Variants in STK32B observed in about 807,000 individuals in gnomAD.
STK32B encodes serine/threonine kinase 32B.
STK32B carries 43 observed loss-of-function variants against 52.6 expected under a neutral mutation model. That is an observed-to-expected ratio of 0.82 (90% CI 0.64 to 1.05). STK32B has a LOEUF of 1.05. STK32B is among the 50% of genes least tolerant of loss of function. The pLI is 0.00. For missense variants in STK32B, 621 were observed against 534.6 expected (o/e 1.16, Z -1.59); for synonymous variants, 238 against 204.3 (o/e 1.17, Z -1.41).
chr4:5,129,607 C>T (rs1013074700), intron 1 of STK32B, among the ~76,000 whole-genome samples: 9 of 152,134 alleles, frequency 5.9e-5, no homozygotes, highest in Admixed American at 5.9e-4. Flanking sequence ...GGGGAACAAC[C>T]TTGATTATAA....
In STK32B at chr4:5,398,836, AGTCTGCAAAGCTCCCAG is replaced by A. The variant is rs1386614563; in HGVS notation, c.472+595_472+611del. Among the ~76,000 whole-genome samples, 6 of 152,242 alleles carry A rather than the reference AGTCTGCAAAGCTCCCAG, an allele frequency of 3.9e-5. No homozygotes were observed. Among genetic ancestry groups the A allele is most frequent in the African/African-American group, 1.4e-4 (6 of 41,464 alleles). ...TGGGACTAGACTCTGCAAAGTCCAG[AGTCTGCAAAGCTCCCAG>A]GTGGCTGATGCTGCTGGTCCATGGA... On this transcript the variant is annotated intron_variant, in intron 5 of 11. Coordinates refer to ENST00000282908, the MANE Select transcript of STK32B (RefSeq NM_018401.3). The surrounding 1 kb of genome is among the most constrained non-coding windows in gnomAD (Gnocchi z 4.9).
intron 11 of STK32B, among the ~76,000 whole-genome samples, chr4:5,485,894 G>A (rs1467748337): frequency 6.6e-6 from 1 of 152,214 alleles, no homozygotes; most frequent in Non-Finnish European, 1.5e-5. Context: ...GAAGGCTGCA[G>A]AACAGTGGAT....
At chr4:5,100,066 A>T (rs1400538413) in intron 1 of STK32B, among the ~76,000 whole-genome samples, 1 of 152,100 alleles carries the variant, frequency 6.6e-6, no homozygotes, top group Admixed American at 6.5e-5. Context: ...AACCTCTGAA[A>T]TGAGGCACAG....
Position 5,067,803 on chromosome 4 carries a change from G to A in STK32B, c.52+15888G>A, listed in dbSNP as rs562407623. Among the ~76,000 whole-genome samples, 349 of 152,214 alleles carry A rather than the reference G, an allele frequency of 2.3e-3. 1 individual carries two copies. Among genetic ancestry groups the A allele is most frequent in the Non-Finnish European group, 3.7e-3 (251 of 68,024 alleles). ...ATGATGGCTTCTAGAGAGGCCTCAG[G>A]AAACTTTCTATCATGGCGGAAGGCG... is the stretch of plus-strand genomic sequence containing the variant. On this transcript the variant is annotated intron_variant, in intron 1 of 11. Coordinates refer to ENST00000282908, the MANE Select transcript of STK32B (RefSeq NM_018401.3).
intron 11 of STK32B, among the ~76,000 whole-genome samples, chr4:5,490,231 C>T (rs1291878818): frequency 2.0e-5 from 3 of 151,870 alleles, no homozygotes; most frequent in East Asian, 1.9e-4. Context: ...CTCAGCCTCC[C>T]GAGTAGCTGG....
At chr4:5,455,913 A>C (rs1716468735) in intron 7 of STK32B, among the ~76,000 whole-genome samples, 1 of 152,234 alleles carries the variant, frequency 6.6e-6, no homozygotes, top group African/African-American at 2.4e-5. Flanking sequence ...CTCCAGGATC[A>C]GTTTGTTGTA....
intron 3 of STK32B, among the ~76,000 whole-genome samples, chr4:5,224,483 C>T (rs1457956978): frequency 6.6e-6 from 1 of 152,194 alleles, no homozygotes; most frequent in Admixed American, 6.5e-5. Flanking sequence ...AATCAAGGAT[C>T]CTCTGAGAAG....
intron 7 of STK32B, 120 bp downstream of exon 7, chr4:5,446,896 C>T: frequency 1.1e-6 from 1 of 899,476 alleles, no homozygotes; most frequent in Non-Finnish European, 1.7e-6. Flanking sequence ...GGAGTCACTG[C>T]CCCCCAGGTT....
intron 1 of STK32B, among the ~76,000 whole-genome samples, chr4:5,125,957 G>A (rs1715337517): frequency 6.6e-6 from 1 of 152,118 alleles, no homozygotes; most frequent in South Asian, 2.1e-4. Context: ...CCTAGGTTGA[G>A]CTTCACTTTG....
chr4:5,363,230 G>A (rs890651736), intron 4 of STK32B, among the ~76,000 whole-genome samples: 6 of 152,202 alleles, frequency 3.9e-5, no homozygotes, highest in East Asian at 3.8e-4. Context: ...CTTTTATATA[G>A]ATGTTTCAAC....
intron 4 of STK32B, among the ~76,000 whole-genome samples, chr4:5,397,616 A>G: frequency 6.6e-6 from 1 of 152,222 alleles, no homozygotes; most frequent in East Asian, 1.9e-4. Flanking sequence ...CGACCACATT[A>G]ATCTCTGTTG....
intron 3 of STK32B, among the ~76,000 whole-genome samples, chr4:5,211,231 A>G (rs576871784): frequency 3.0e-4 from 45 of 152,308 alleles, no homozygotes; most frequent in Admixed American, 8.5e-4. Flanking sequence ...GTCTATTAGC[A>G]TGCTTTTCCA....
chr4:5,419,805 G>A (rs1210285593), intron 6 of STK32B, among the ~76,000 whole-genome samples: 1 of 152,144 alleles, frequency 6.6e-6, no homozygotes, highest in East Asian at 1.9e-4. Flanking sequence ...GATTTGGGGA[G>A]ATTCAAAATC....
chr4:5,262,954 CTT>C (rs769266318), intron 3 of STK32B, among the ~76,000 whole-genome samples: 22 of 152,104 alleles, frequency 1.4e-4, no homozygotes, highest in Non-Finnish European at 2.6e-4. Context: ...TGGAAGAAGA[CTT>C]AGCTCAGATA....
At chr4:5,260,702 A>G (rs1726655613) in intron 3 of STK32B, among the ~76,000 whole-genome samples, 1 of 152,202 alleles carries the variant, frequency 6.6e-6, no homozygotes, top group African/African-American at 2.4e-5. Flanking sequence ...GTGGGATACT[A>G]ATCTGGAGAA....
chr4:5,141,970 A>G (rs537135013), intron 2 of STK32B, among the ~76,000 whole-genome samples: 2 of 152,200 alleles, frequency 1.3e-5, no homozygotes, highest in Non-Finnish European at 2.9e-5. Flanking sequence ...AACCTCCCCA[A>G]CCAACCCGTT....
chr4:5,165,278 C>G (rs1003915231), intron 2 of STK32B, among the ~76,000 whole-genome samples: 10 of 152,210 alleles, frequency 6.6e-5, no homozygotes, highest in African/African-American at 2.4e-4. Flanking sequence ...CCTGTATCAA[C>G]CGCCTGCTTT....
At chr4:5,360,883 G>A (rs2108998377) in intron 4 of STK32B, among the ~76,000 whole-genome samples, 1 of 152,326 alleles carries the variant, frequency 6.6e-6, no homozygotes, top group South Asian at 2.1e-4. Flanking sequence ...CACCTTAACA[G>A]TTTTTAAGAG....
intron 2 of STK32B, among the ~76,000 whole-genome samples, chr4:5,147,555 G>T (rs1234792521): frequency 6.6e-6 from 1 of 151,994 alleles, no homozygotes; most frequent in East Asian, 1.9e-4. Flanking sequence ...ATCTTTACCT[G>T]TAAGTTTTTC....
Sources: allele counts gnomAD v4.1 joint callset (sites outside exome capture counted in the v4.1 genomes callset), GRCh38; gene constraint gnomAD v4.1.1; non-coding constraint Gnocchi (gnomAD v3.1); transcripts MANE v1.5; gene names NCBI Gene and HGNC (gene_info 2026-07-23, HGNC 2026-07-21).